Variants in CPT1A observed in about 807,000 individuals in gnomAD.
The protein encoded by CPT1A is carnitine palmitoyltransferase 1A.
A neutral mutation model predicts 100.8 loss-of-function variants in CPT1A; 64 were observed. The observed-to-expected ratio is 0.63, with a 90% CI of 0.52 to 0.78. The LOEUF is 0.78. CPT1A is among the 30% of genes least tolerant of loss of function. The pLI is 0.00. For synonymous variants in CPT1A, 363 were observed against 396.0 expected (o/e 0.92, Z 0.99); for missense variants, 802 against 1,034.1 (o/e 0.78, Z 3.08).
At chr11:68,817,667 TG>T (rs1444549956) in intron 1 of CPT1A, among the ~76,000 whole-genome samples, 2 of 67,734 alleles carry the variant, frequency 3.0e-5, no homozygotes, top group East Asian at 9.9e-4. Context: ...GGCAGGAGGC[TG>T]GGGGTCAAGG....
downstream of CPT1A, chr11:68,754,673 C>T: frequency 1.5e-6 from 1 of 683,992 alleles, no homozygotes. Context: ...CTGTTCTCAG[C>T]ATTGAGGCAA....
intron 4 of CPT1A, among the ~76,000 whole-genome samples, chr11:68,804,702 C>G (rs918934952): frequency 6.6e-6 from 1 of 152,236 alleles, no homozygotes; most frequent in Non-Finnish European, 1.5e-5. Context: ...CCTGACCGTG[C>G]TTCTGCACCT....
rs114594712 is a variant in CPT1A, at chr11:68,795,862, T to C, written c.772-951A>G. Among the ~76,000 whole-genome samples the C allele has an allele frequency of 9.8e-3, 1,458 of 148,696 alleles. 29 individuals carry two copies. The highest frequency in any genetic ancestry group is 0.035 in the African/African-American group (1,406 of 40,344). ...GAGGCAGAGGCTGCAGTGAGATGAA[T>C]TGCACCAGTGCACTCCAGCCTCAGC... On this transcript the variant is annotated intron_variant, in intron 7 of 18. Coordinates refer to ENST00000265641, the MANE Select transcript of CPT1A (RefSeq NM_001876.4).
rs1246085280 is a variant in CPT1A, at chr11:68,816,768, GT to G, written c.-13-1282del. On this transcript the variant is annotated intron_variant, in intron 1 of 18. Transcript: ENST00000265641. ...AATCCAAAAACTCGTGTGTGTGTGTGTGTGTGTGTGTGGTGTGTGTGTGTAT... is the reference window on the plus strand; with the variant it reads ...AATCCAAAAACTCGTGTGTGTGTGTGGTGTGTGTGTGGTGTGTGTGTGTAT... Among the ~76,000 whole-genome samples, 12 of 147,066 alleles carry G rather than the reference GT, an allele frequency of 8.2e-5. No homozygotes were observed. The East Asian group carries it at 1.2e-3, about 15-fold the overall frequency.
rs2278907 is a variant in CPT1A, at chr11:68,756,585, G to A, written c.*1059C>T. ...AGCCACTCTCTCCTCACCACGGTGG[G>A]CTGCCCTCCCCTTCCTCACTTGCTA... On this transcript the variant is annotated 3_prime_UTR_variant, in exon 19 of 19. Coordinates refer to ENST00000265641, the MANE Select transcript of CPT1A (RefSeq NM_001876.4). The A allele has an allele frequency of 0.52, 78,631 of 152,064 alleles. 21,551 individuals carry two copies. Among genetic ancestry groups the A allele is most frequent in the East Asian group, 0.76 (3,935 of 5,166 alleles). 9.4% of individuals were successfully genotyped at this position (152,064 alleles called of 1,614,324 possible).
intron 2 of CPT1A, among the ~76,000 whole-genome samples, chr11:68,813,696 C>CAA (rs11400593): frequency 2.1e-3 from 291 of 136,740 alleles, no homozygotes; most frequent in South Asian, 0.017. Context: ...GACCCTGTCT[C>CAA]AAAAAAAAAA....
chr11:68,780,866 G>A, intron 11 of CPT1A, 121 bp from the exon 12 acceptor site: 1 of 743,620 alleles, frequency 1.3e-6, no homozygotes. Flanking sequence ...CTCTAACAGT[G>A]AGCAGACACT....
intron 6 of CPT1A, among the ~76,000 whole-genome samples, chr11:68,798,023 G>A (rs915408930): frequency 1.3e-5 from 2 of 152,140 alleles, no homozygotes; most frequent in African/African-American, 4.8e-5. Context: ...CCAATGTTAT[G>A]CAAAATTGCT....
intron 14 of CPT1A, among the ~76,000 whole-genome samples, chr11:68,763,972 A>G (rs891534825): frequency 1.3e-5 from 2 of 152,062 alleles, no homozygotes; most frequent in African/African-American, 4.8e-5. Context: ...ACACCCAGAG[A>G]ATAGAAAAGG....
chr11:68,827,903 T>C (rs1201148286), intron 1 of CPT1A, among the ~76,000 whole-genome samples: 3 of 152,206 alleles, frequency 2.0e-5, no homozygotes, highest in Admixed American at 2.0e-4. Flanking sequence ...CCTGCTGTCC[T>C]GCACCCCCCT....
rs1856078046 is a variant in CPT1A at position 68,807,501 on chromosome 11, T to C, written c.419A>G (p.His140Arg). The C allele has an allele frequency of 1.2e-6, 2 of 1,614,126 alleles. No homozygotes were observed. The highest frequency in any genetic ancestry group is 2.2e-5 in the East Asian group (1 of 44,874). The change falls in exon 4 of 19, where the codon CAC becomes CGC. Residue 140 changes from histidine (H) to arginine (R), a missense_variant. Physicochemically the swap from His to Arg is conservative, Grantham distance 29 (BLOSUM62 0). Transcript: ENST00000265641. ...CTTGGTGGCACGACTCATCTTGCCG[T>C]GCTCAGTGAACATCCACCCGTGGTA... Reference protein sequence around the residue: ...LSYHGWMFTEHGKMSRATKIW... With the variant: ...LSYHGWMFTERGKMSRATKIW...
intron 4 of CPT1A, 138 bp downstream of exon 4, chr11:68,807,329 C>T (rs1338727943): frequency 3.5e-6 from 3 of 850,986 alleles, no homozygotes; most frequent in Admixed American, 4.0e-5. Context: ...ACCTCTCCAG[C>T]CATTCAAGGT....
chr11:68,804,157 G>T, intron 4 of CPT1A, 56 bp from the exon 5 acceptor site: 1 of 1,351,762 alleles, frequency 7.4e-7, no homozygotes, highest in Non-Finnish European at 1.1e-6. Flanking sequence ...GAAGGCACCT[G>T]TTCTCGTCTG....
intron 3 of CPT1A, among the ~76,000 whole-genome samples, chr11:68,809,282 G>C (rs928772292): frequency 1.3e-5 from 2 of 151,958 alleles, no homozygotes; most frequent in South Asian, 4.1e-4. Context: ...ATTACTGAAA[G>C]AAAAAGACCT....
intron 10 of CPT1A, among the ~76,000 whole-genome samples, chr11:68,783,198 G>A (rs1039603981): frequency 3.2e-4 from 49 of 152,048 alleles, no homozygotes; most frequent in Non-Finnish European, 4.1e-4. Context: ...TTGGGCCACC[G>A]AAAAGCATCC....
At chr11:68,759,091 T>C (rs1353021291) in intron 18 of CPT1A, among the ~76,000 whole-genome samples, 2 of 151,876 alleles carry the variant, frequency 1.3e-5, no homozygotes, top group African/African-American at 4.8e-5. Context: ...GTACAAACAA[T>C]TTTTTAATTA....
At chr11:68,804,198 G>C in intron 4 of CPT1A, 97 bp from the exon 5 acceptor site, 1 of 880,328 alleles carries the variant, frequency 1.1e-6, no homozygotes, top group Non-Finnish European at 1.9e-6. Context: ...GTCAGTCCTG[G>C]TTAGTACTTG....
chr11:68,798,027 A>AAACC (rs1278023147), intron 6 of CPT1A, among the ~76,000 whole-genome samples: 1 of 152,146 alleles, frequency 6.6e-6, no homozygotes, highest in African/African-American at 2.4e-5. Flanking sequence ...TGTTATGCAA[A>AAACC]ATTGCTCCAC....
intron 13 of CPT1A, chr11:68,773,716 G>A (rs1855060262): frequency 2.4e-6 from 1 of 412,516 alleles, no homozygotes; most frequent in South Asian, 2.2e-5. Context: ...GTGATGGTCA[G>A]GTGGTTGTGA....
Sources: gnomAD v4.1 joint callset for allele counts (sites outside exome capture counted in the v4.1 genomes callset) on GRCh38, gnomAD v4.1.1 for gene constraint, MANE v1.5 for transcripts, NCBI Gene and HGNC (gene_info 2026-07-23, HGNC 2026-07-21) for gene names.